Variants in OAF observed in about 807,000 individuals in gnomAD.
OAF encodes the protein out at first homolog, also known as out at first protein homolog.
Under a neutral mutation model 22.5 loss-of-function variants are expected in OAF, and 13 were observed. The ratio of observed to expected loss-of-function variants is 0.58; its 90% confidence interval spans 0.38 to 0.92. The LOEUF (loss-of-function observed/expected upper bound fraction) is 0.92. Ranked by LOEUF, OAF falls within the 40% of genes least tolerant of loss-of-function variation. The probability of loss-of-function intolerance (pLI) is 0.00; values close to 1 mark genes in which losing one functional copy is unlikely to be tolerated. For missense variants in OAF, 347 were observed against 381.8 expected (o/e 0.91, Z 0.76); for synonymous variants, 175 against 170.5 (o/e 1.03, Z -0.21).
At chr11:120,220,308 C>G (rs996529730) in intron 1 of OAF, among the ~76,000 whole-genome samples, 1 of 152,124 alleles carries the variant, frequency 6.6e-6, no homozygotes, top group Non-Finnish European at 1.5e-5. Context: ...GTGTCCTGAC[C>G]CCTTGCCAGC....
chr11:120,218,811 CG>C (rs1328212096), intron 1 of OAF, among the ~76,000 whole-genome samples: 1 of 151,996 alleles, frequency 6.6e-6, no homozygotes, highest in Non-Finnish European at 1.5e-5. Context: ...CTCCTGCAGG[CG>C]GGCCTCCCCC....
chr11:120,228,887 C>G lies in OAF; in HGVS notation c.567C>G (p.Phe189Leu), dbSNP rs1435055718. ...WLEQGVDSSVFEALPKASEQA... is the reference protein window; with the variant it reads ...WLEQGVDSSVLEALPKASEQA... ...CCCCAGGTGTGGACAGTTCTGTGTT[C>G]GAGGCTCTGCCCAAGGCCTCAGAGC... Residue 189 changes from phenylalanine (F) to leucine (L), a missense_variant, in exon 4 of 4, where the codon TTC (phenylalanine) becomes TTG (leucine). Phe to Leu is a conservative substitution (Grantham distance 22). Coordinates refer to ENST00000328965, the MANE Select transcript of OAF (RefSeq NM_178507.4). 3.0e-6 allele frequency: 4 copies of G among 1,332,288 alleles called. No homozygotes were observed. The allele number at this position is 1,332,288 out of a possible 1,614,324, so 82.5% of individuals were successfully genotyped here.
rs1410620726 is a variant in OAF, at chr11:120,226,890, CT to C, written c.443del (p.Phe148SerfsTer7). On this transcript the variant is annotated frameshift_variant, in exon 3 of 4. Coordinates refer to ENST00000328965, the MANE Select transcript of OAF (RefSeq NM_178507.4). LOFTEE classifies it high-confidence loss of function. Reference protein sequence around the residue: ...EHLHMDVAVNFSQGALLSPHL... With the variant: ...EHLHMDVAVNXSQGALLSPHL... ...ATCTGCACATGGATGTCGCTGTCAA[CT>C]TCAGCCAGGGGGCCCTGCTGAGCCC... 6.2e-7 allele frequency: 1 copy of C among 1,612,936 alleles called. No individual in the cohort carries two copies. The highest frequency in any genetic ancestry group is 1.7e-5 in the Admixed American group (1 of 59,956).
chr11:120,224,027 T>C (rs1243493658), intron 1 of OAF, among the ~76,000 whole-genome samples: 7 of 152,148 alleles, frequency 4.6e-5, no homozygotes, highest in Non-Finnish European at 8.8e-5. Flanking sequence ...ACAAGGAGAT[T>C]GCAGCACCAT....
At chr11:120,220,888 A>G (rs1051917795) in intron 1 of OAF, among the ~76,000 whole-genome samples, 7 of 152,180 alleles carry the variant, frequency 4.6e-5, no homozygotes, top group Non-Finnish European at 7.4e-5. Flanking sequence ...GGAGCCCTTG[A>G]AGGGCATTCG....
chr11:120,225,555 C>G lies in OAF; in HGVS notation c.232-106C>G, dbSNP rs1237406503. The G allele has an allele frequency of 8.2e-6, 8 of 971,962 alleles. No homozygotes were observed. In the Admixed American group the frequency reaches 2.4e-4, roughly 29 times the overall value. The allele number at this position is 971,962 out of a possible 1,614,324, so 60.2% of individuals were successfully genotyped here. Reference sequence around the variant, plus strand: ...CCAGCAGGAGGGAGGTGTCTGTTGCCCGGCAGTGTCCAGGCATCCTGTTCA... The same window carrying G: ...CCAGCAGGAGGGAGGTGTCTGTTGCGCGGCAGTGTCCAGGCATCCTGTTCA... On this transcript the variant is annotated intron_variant, in intron 1 of 3. Coordinates refer to ENST00000328965, the MANE Select transcript of OAF (RefSeq NM_178507.4).
At chr11:120,218,383 A>G (rs1300570947) in intron 1 of OAF, among the ~76,000 whole-genome samples, 1 of 152,212 alleles carries the variant, frequency 6.6e-6, no homozygotes, top group Non-Finnish European at 1.5e-5. Context: ...TGGGCAGAGC[A>G]GCCAGGGTGC....
intron 1 of OAF, among the ~76,000 whole-genome samples, chr11:120,212,752 T>TG (rs1938168494): frequency 6.8e-6 from 1 of 146,524 alleles, no homozygotes; most frequent in Non-Finnish European, 1.5e-5. Flanking sequence ...GTGGGTGGGG[T>TG]TGGGGGGTGA....
At position 120,229,004 on chromosome 11, in the gene OAF, G is replaced by A. The variant is rs901706274; in HGVS notation, c.684G>A (p.Met228Ile). 6.2e-7 allele frequency: 1 copy of A among 1,613,400 alleles called. No individual in the cohort carries two copies. The change falls in exon 4 of 4, where the codon ATG (methionine) becomes ATA (isoleucine). Residue 228 changes from methionine (M) to isoleucine (I), a missense_variant. Met to Ile is a conservative substitution (Grantham distance 10). Coordinates refer to ENST00000328965, the MANE Select transcript of OAF (RefSeq NM_178507.4). The part of the protein sequence containing the change: ...YGLSLAWYPC[M>I]LKYCHSRDRP... Reference sequence around the variant, plus strand: ...TGAGCCTGGCCTGGTACCCCTGCATGCTCAAGTACTGCCACAGCCGCGACC... The same window carrying A: ...TGAGCCTGGCCTGGTACCCCTGCATACTCAAGTACTGCCACAGCCGCGACC...
At chr11:120,228,760 T>C in intron 3 of OAF, 108 bp from the exon 4 acceptor site, 1 of 833,014 alleles carries the variant, frequency 1.2e-6, no homozygotes. Context: ...TGTAAATGCC[T>C]GTGGGATGAC....
intron 3 of OAF, among the ~76,000 whole-genome samples, chr11:120,228,355 TA>T (rs1443620931): frequency 2.6e-5 from 4 of 152,168 alleles, no homozygotes; most frequent in African/African-American, 9.6e-5. Context: ...AAAGTGGGAT[TA>T]CAGGCATGAG....
intron 1 of OAF, among the ~76,000 whole-genome samples, chr11:120,217,843 G>T (rs775313453): frequency 6.6e-6 from 1 of 152,232 alleles, no homozygotes; most frequent in Non-Finnish European, 1.5e-5. Context: ...CTACCCCACC[G>T]TTAAGCATGT....
At chr11:120,228,821 T>TACCAAACCAACA in intron 3 of OAF, 47 bp from the exon 4 acceptor site, 1 of 520,280 alleles carries the variant, frequency 1.9e-6, no homozygotes, top group Non-Finnish European at 3.6e-6. Context: ...GGGAGCTCCT[T>TACCAAACCAACA]CCCTCCCTCC....
In OAF at chr11:120,229,320, G is replaced by A. The variant is rs1450739494; in HGVS notation, c.*178G>A. 3.1e-6 allele frequency: 2 copies of A among 639,226 alleles called. No individual in the cohort carries two copies. Among genetic ancestry groups the A allele is most frequent in the Non-Finnish European group, 5.3e-6 (2 of 374,090 alleles). The allele number at this position is 639,226 out of a possible 1,614,324, so 39.6% of individuals were successfully genotyped here. On this transcript the variant is annotated 3_prime_UTR_variant, in exon 4 of 4. Coordinates refer to ENST00000328965, the MANE Select transcript of OAF (RefSeq NM_178507.4). ...TGTGAAGGGGGTGTGGCATGGCAGG[G>A]GGTCTCATGAAGGCACCCCCATTCC...
chr11:120,229,135 C>T lies in OAF; in HGVS notation c.815C>T (p.Pro272Leu). 1 of 1,610,916 alleles carries T rather than the reference C, an allele frequency of 6.2e-7. No individual in the cohort carries two copies. The highest frequency in any genetic ancestry group is 8.5e-7 in the Non-Finnish European group (1 of 1,178,168). The change falls in exon 4 of 4, where the codon CCA becomes CTA. Residue 272 changes from proline to leucine, a missense_variant. Coordinates refer to ENST00000328965, the MANE Select transcript of OAF (RefSeq NM_178507.4). ...TGTCTCTGGGATGAGGATCCCTACC[C>T]AGGCTAGGGTGGGAGCAACCTGGCG... The part of the protein sequence containing the change: ...QLCLWDEDPY[P>L]G
chr11:120,211,449 T>C lies in OAF; in HGVS notation c.170T>C (p.Ile57Thr). Residue 57 changes from isoleucine to threonine, a missense_variant, in exon 1 of 4, where the codon ATC becomes ACC. Coordinates refer to ENST00000328965, the MANE Select transcript of OAF (RefSeq NM_178507.4). ...CAGGCGGACAGCGACGCGGACAGCA[T>C]CAGCCTCGAGCTGCGCAAGCCCGAC... ...SLQADSDADS[I>T]SLELRKPDGT... 6.4e-7 allele frequency: 1 copy of C among 1,558,776 alleles called. No individual in the cohort carries two copies. Among genetic ancestry groups the C allele is most frequent in the Non-Finnish European group, 8.7e-7 (1 of 1,154,450 alleles).
At chr11:120,219,002 T>C (rs1565341794) in intron 1 of OAF, among the ~76,000 whole-genome samples, 2 of 149,856 alleles carry the variant, frequency 1.3e-5, no homozygotes, top group Non-Finnish European at 3.0e-5. Flanking sequence ...TGTGTGTGTG[T>C]ACACACGTTA....
At chr11:120,221,702 C>T (rs2135094417) in intron 1 of OAF, among the ~76,000 whole-genome samples, 1 of 152,308 alleles carries the variant, frequency 6.6e-6, no homozygotes, top group Non-Finnish European at 1.5e-5. Flanking sequence ...CTAGAGCCTA[C>T]CTACTCCTTA....
intron 1 of OAF, among the ~76,000 whole-genome samples, chr11:120,213,357 G>C (rs1938174787): frequency 6.6e-6 from 1 of 152,116 alleles, no homozygotes; most frequent in Non-Finnish European, 1.5e-5. Flanking sequence ...GAGATTGTGA[G>C]CACCTCATTT....
Sources: allele counts gnomAD v4.1 joint callset (sites outside exome capture counted in the v4.1 genomes callset), GRCh38; gene constraint gnomAD v4.1.1; transcripts MANE v1.5; gene names NCBI Gene and HGNC (gene_info 2026-07-23, HGNC 2026-07-21).